Variants in RBFOX1 observed in about 807,000 individuals in gnomAD.
RBFOX1 encodes RNA binding fox-1 homolog 1, also known as RNA binding protein fox-1 homolog 1.
RBFOX1 carries 8 observed loss-of-function variants against 57.7 expected under a neutral mutation model. The observed-to-expected ratio is 0.14, with a 90% CI of 0.08 to 0.25. The LOEUF (loss-of-function observed/expected upper bound fraction) is 0.25. RBFOX1 is among the 10% of genes least tolerant of loss of function. The pLI, the probability that RBFOX1 is intolerant of heterozygous loss-of-function variation, is 1.00. For missense variants in RBFOX1, 611 were observed against 548.5 expected, an observed-to-expected ratio of 1.11 and a Z score of -1.14; for synonymous variants, 326 against 222.4, an observed-to-expected ratio of 1.47 and a Z score of -4.15.
chr16:7,512,144 GGCA>G (rs1315091773), intron 4 of RBFOX1, among the ~76,000 whole-genome samples: 3 of 152,120 alleles, frequency 2.0e-5, no homozygotes, highest in African/African-American at 7.2e-5. Flanking sequence ...GAAGAAAGAA[GGCA>G]GCTTCTGCAA....
At chr16:7,090,813 C>G (rs2060709805) in intron 4 of RBFOX1, among the ~76,000 whole-genome samples, 2 of 152,080 alleles carry the variant, frequency 1.3e-5, no homozygotes, top group African/African-American at 4.8e-5. Flanking sequence ...GTCACGTTTA[C>G]TGAGGATGTG....
intron 1 of RBFOX1, among the ~76,000 whole-genome samples, chr16:5,450,726 C>T (rs1193980847): frequency 6.6e-6 from 1 of 152,198 alleles, no homozygotes; most frequent in Non-Finnish European, 1.5e-5. Context: ...GCTCTGATGC[C>T]TTGCTGGGAG....
chr16:7,620,433 G>C (rs1323491607), intron 10 of RBFOX1, among the ~76,000 whole-genome samples: 1 of 152,144 alleles, frequency 6.6e-6, no homozygotes, highest in African/African-American at 2.4e-5. Context: ...AGAAATCTCA[G>C]ACGTTCATTA....
intron 3 of RBFOX1, among the ~76,000 whole-genome samples, chr16:6,811,636 T>C (rs1241604203): frequency 1.3e-5 from 2 of 152,180 alleles, no homozygotes; most frequent in African/African-American, 4.8e-5. Context: ...AGGTCTGTAA[T>C]CCTAGCACTT....
At chr16:6,498,026 AT>A (rs1360824599) in intron 2 of RBFOX1, among the ~76,000 whole-genome samples, 1 of 151,992 alleles carries the variant, frequency 6.6e-6, no homozygotes, top group Non-Finnish European at 1.5e-5. Flanking sequence ...AGGCGGGTGG[AT>A]CGCCTAAGGT....
chr16:7,619,093 A>C (rs944740858), intron 10 of RBFOX1, among the ~76,000 whole-genome samples: 2 of 152,218 alleles, frequency 1.3e-5, no homozygotes, highest in Non-Finnish European at 2.9e-5. Flanking sequence ...TTGTTGAGAG[A>C]TTAAATTAGT....
Position 7,003,226 on chromosome 16 carries a change from C to G in RBFOX1, c.-15-48831C>G, listed in dbSNP as rs138629804. On this transcript the variant is annotated intron_variant, in intron 3 of 15. Transcript: ENST00000550418. Reference sequence around the variant, plus strand: ...CTGTAATCCCAGCACTTTGGGAGGCCGAGGTGGGTGGATCACAAGGTCAGC... The same window carrying G: ...CTGTAATCCCAGCACTTTGGGAGGCGGAGGTGGGTGGATCACAAGGTCAGC... Among the ~76,000 whole-genome samples, 910 of 151,964 alleles carry G rather than the reference C, an allele frequency of 6.0e-3. 14 individuals carry two copies. Among genetic ancestry groups the G allele is most frequent in the African/African-American group, 0.021 (865 of 41,466 alleles).
At position 5,365,170 on chromosome 16, in the gene RBFOX1, A is replaced by C. The variant is rs978095237; in HGVS notation, c.220-102046A>C. Among the ~76,000 whole-genome samples the C allele has an allele frequency of 2.0e-5, 3 of 152,046 alleles. No homozygotes were observed. The East Asian group carries it at 5.8e-4, about 29-fold the overall frequency. On this transcript the variant is annotated intron_variant, in intron 1 of 2. Transcript: ENST00000585867. The stretch of plus-strand genomic sequence containing the variant: ...AGGCTGGCCCAGAACATCCCTAAGT[A>C]CCGCTTCGTGGAGGTCCGCCTGTTC...
intron 3 of RBFOX1, among the ~76,000 whole-genome samples, chr16:6,931,704 T>G (rs1445291655): frequency 1.3e-5 from 2 of 152,236 alleles, no homozygotes; most frequent in Non-Finnish European, 2.9e-5. Flanking sequence ...CAGTTTCTAG[T>G]TGGTGGGTCT....
intron 4 of RBFOX1, among the ~76,000 whole-genome samples, chr16:7,066,876 T>C (rs1865215849): frequency 6.6e-6 from 1 of 152,208 alleles, no homozygotes; most frequent in Non-Finnish European, 1.5e-5. Flanking sequence ...TTTCTAGCCA[T>C]TTACTTATTT....
At chr16:6,086,252 T>C (rs1057065614) in intron 1 of RBFOX1, among the ~76,000 whole-genome samples, 2 of 152,030 alleles carry the variant, frequency 1.3e-5, no homozygotes, top group African/African-American at 4.8e-5. Context: ...TGCAAGTGAG[T>C]TGTTGGAAGG....
chr16:7,381,100 A>T (rs1233646275), intron 4 of RBFOX1, among the ~76,000 whole-genome samples: 1 of 152,202 alleles, frequency 6.6e-6, no homozygotes, highest in Non-Finnish European at 1.5e-5. Flanking sequence ...CGTCAAACAA[A>T]CCCAGTGTTC....
chr16:7,208,766 A>G (rs184305519), intron 4 of RBFOX1, among the ~76,000 whole-genome samples: 19 of 152,254 alleles, frequency 1.2e-4, no homozygotes, highest in Admixed American at 1.1e-3. Flanking sequence ...GAGTCCAGGT[A>G]TTTGAGGCTA....
chr16:6,733,393 AG>A (rs1486954682), intron 3 of RBFOX1, among the ~76,000 whole-genome samples: 1 of 152,220 alleles, frequency 6.6e-6, no homozygotes, highest in Admixed American at 6.5e-5. Flanking sequence ...GTCAGAGCAA[AG>A]CCTGTGCCTG....
chr16:7,477,268 T>C (rs893535232), intron 4 of RBFOX1, among the ~76,000 whole-genome samples: 4 of 152,142 alleles, frequency 2.6e-5, no homozygotes, highest in Non-Finnish European at 4.4e-5. Flanking sequence ...CCACCGGCAA[T>C]GAGACACAGG....
intron 4 of RBFOX1, among the ~76,000 whole-genome samples, chr16:7,506,604 T>TCACCAC (rs547512960): frequency 2.6e-5 from 4 of 151,592 alleles, no homozygotes; most frequent in African/African-American, 9.7e-5. Context: ...ATCATCATCA[T>TCACCAC]CACCACCACC....
chr16:7,438,685 T>A lies in RBFOX1; in HGVS notation c.28-79462T>A, dbSNP rs145513365. ...CCAGCCCATTAAAACTCCTTTAACG[T>A]GCTAAAGTCGGCTTCAGAGAGGGTT... is the stretch of plus-strand genomic sequence containing the variant. On this transcript the variant is annotated intron_variant, in intron 4 of 15. Coordinates refer to ENST00000550418, the MANE Select transcript of RBFOX1 (RefSeq NM_018723.4). Among the ~76,000 whole-genome samples, 353 of 152,318 alleles carry A rather than the reference T, an allele frequency of 2.3e-3. 3 individuals carry two copies. The highest frequency in any genetic ancestry group is 0.01 in the Middle Eastern group (3 of 294).
At chr16:6,617,441 G>C (rs1434205725) in intron 2 of RBFOX1, among the ~76,000 whole-genome samples, 1 of 151,840 alleles carries the variant, frequency 6.6e-6, no homozygotes, top group Non-Finnish European at 1.5e-5. Context: ...GGTAGTTTGG[G>C]TCTGACTCTC....
intron 2 of RBFOX1, among the ~76,000 whole-genome samples, chr16:6,628,580 A>G (rs537709515): frequency 2.6e-5 from 4 of 152,318 alleles, no homozygotes; most frequent in South Asian, 2.1e-4. Flanking sequence ...ATGCATTTCA[A>G]AGTGACTTGC....
Sources: allele counts gnomAD v4.1 joint callset (sites outside exome capture counted in the v4.1 genomes callset), GRCh38; gene constraint gnomAD v4.1.1; transcripts MANE v1.5; gene names NCBI Gene and HGNC (gene_info 2026-07-23, HGNC 2026-07-21).